GLIS3: variants seen among roughly 807,000 people sequenced by gnomAD.
The protein encoded by GLIS3 is zinc finger protein GLIS3.
In GLIS3, 53 loss-of-function variants were observed where a neutral mutation model predicts 78.6. That is an observed-to-expected ratio of 0.67 (90% CI 0.54 to 0.85). The LOEUF is 0.85. Ranked by LOEUF, GLIS3 falls within the 40% of genes least tolerant of loss-of-function variation. The probability of loss-of-function intolerance (pLI) is 0.00; values close to 1 mark genes in which losing one functional copy is unlikely to be tolerated. For synonymous variants in GLIS3, 684 were observed against 509.9 expected (o/e 1.34, Z -4.60); for missense variants, 1,703 against 1,231.1 (o/e 1.38, Z -5.74).
chr9:4,178,866 T>C (rs915280237), intron 2 of GLIS3, among the ~76,000 whole-genome samples: 54 of 152,272 alleles, frequency 3.5e-4, no homozygotes, highest in African/African-American at 1.3e-3. Flanking sequence ...AGCATAAACA[T>C]TAGTTATTTA....
chr9:4,027,238 G>C (rs889533258), intron 4 of GLIS3, among the ~76,000 whole-genome samples: 9 of 152,178 alleles, frequency 5.9e-5, no homozygotes, highest in African/African-American at 1.9e-4. Context: ...CCATTTCAGC[G>C]TCACTACAAT....
intron 4 of GLIS3, among the ~76,000 whole-genome samples, chr9:4,009,107 T>C (rs563871847): frequency 3.0e-4 from 45 of 152,202 alleles, no homozygotes; most frequent in Non-Finnish European, 5.9e-4. Flanking sequence ...ATTAATGTCA[T>C]AGAATCTAAG....
chr9:4,162,586 G>A (rs566816890), intron 2 of GLIS3, among the ~76,000 whole-genome samples: 11 of 152,242 alleles, frequency 7.2e-5, no homozygotes, highest in East Asian at 3.9e-4. Flanking sequence ...CTGGCCGGGT[G>A]CGGTGGCTCA....
intron 2 of GLIS3, among the ~76,000 whole-genome samples, chr9:4,217,257 G>A (rs547103618): frequency 4.5e-4 from 69 of 152,244 alleles, no homozygotes; most frequent in Admixed American, 7.8e-4. Flanking sequence ...GTATGCATGT[G>A]CACTCATTCA....
At chr9:4,298,471 T>A (rs1320497034) in intron 1 of GLIS3, 3 of 448,790 alleles carry the variant, frequency 6.7e-6, no homozygotes, top group African/African-American at 6.1e-5. Flanking sequence ...AGGTGACTTG[T>A]CAGCTCCAGT....
At chr9:4,134,505 T>C (rs1833246899) in intron 2 of GLIS3, among the ~76,000 whole-genome samples, 1 of 152,194 alleles carries the variant, frequency 6.6e-6, no homozygotes. Context: ...AGCCTTAGTT[T>C]CTTCCATCTC....
At chr9:4,468,819 C>A in the GLIS3 span, among the ~76,000 whole-genome samples, 2 of 152,134 alleles carry the variant, frequency 1.3e-5, no homozygotes, top group South Asian at 2.1e-4. Context: ...GCTAAATGCT[C>A]CAATTAAAAG....
chr9:4,255,514 T>C (rs1310366648), intron 2 of GLIS3, among the ~76,000 whole-genome samples: 4 of 152,174 alleles, frequency 2.6e-5, no homozygotes, highest in African/African-American at 9.7e-5. Context: ...ATCCAGACAA[T>C]GGAATATTAT....
chr9:4,092,520 T>A (rs1052780215), intron 4 of GLIS3, among the ~76,000 whole-genome samples: 1 of 152,212 alleles, frequency 6.6e-6, no homozygotes, highest in Non-Finnish European at 1.5e-5. Flanking sequence ...CCTTATTGCA[T>A]AAGCTTTTAA....
intron 4 of GLIS3, among the ~76,000 whole-genome samples, chr9:3,974,875 G>A (rs1818648976): frequency 6.6e-6 from 1 of 151,894 alleles, no homozygotes; most frequent in Admixed American, 6.6e-5. Context: ...GCTAAGAAAA[G>A]GTGAATATTC....
At chr9:4,335,273 A>G (rs982310204) in intron 2 of GLIS3, among the ~76,000 whole-genome samples, 3 of 152,210 alleles carry the variant, frequency 2.0e-5, no homozygotes, top group East Asian at 1.9e-4. Flanking sequence ...AGCATAAGAA[A>G]TAACTCCAGT....
the GLIS3 span, among the ~76,000 whole-genome samples, chr9:4,363,267 AC>A: frequency 6.6e-6 from 1 of 152,174 alleles, no homozygotes. Context: ...TACTAAAAAT[AC>A]AAAAATTAGC....
At chr9:4,058,777 G>C (rs533437867) in intron 4 of GLIS3, among the ~76,000 whole-genome samples, 1 of 152,018 alleles carries the variant, frequency 6.6e-6, no homozygotes, top group South Asian at 2.1e-4. Context: ...TCAGGAGATC[G>C]AGACCATCCT....
At chr9:4,352,455 G>C (rs1436143958), upstream of GLIS3, among the ~76,000 whole-genome samples, 1 of 152,258 alleles carries the variant, frequency 6.6e-6, no homozygotes, top group Non-Finnish European at 1.5e-5. Context: ...AGAGGACTAA[G>C]GCATGGTGGG....
intron 4 of GLIS3, among the ~76,000 whole-genome samples, chr9:4,059,844 G>C (rs576837258): frequency 2.8e-4 from 43 of 151,118 alleles, no homozygotes; most frequent in African/African-American, 9.7e-4. Flanking sequence ...GAGAGAGAGA[G>C]AGAGAGAGAG....
intron 2 of GLIS3, among the ~76,000 whole-genome samples, chr9:4,129,984 T>A (rs1832855060): frequency 6.6e-6 from 1 of 152,326 alleles, no homozygotes; most frequent in East Asian, 1.9e-4. Context: ...TGTTGGGAAC[T>A]GGAGCAAAGG....
intron 4 of GLIS3, among the ~76,000 whole-genome samples, chr9:3,942,469 G>C (rs567848169): frequency 6.6e-6 from 1 of 152,184 alleles, no homozygotes; most frequent in African/African-American, 2.4e-5. Context: ...TACTGTCAAA[G>C]TGACTTCCAC....
At chr9:3,926,236 T>TG (rs1477196355) in intron 6 of GLIS3, among the ~76,000 whole-genome samples, 2 of 149,030 alleles carry the variant, frequency 1.3e-5, no homozygotes, top group Admixed American at 6.6e-5. Context: ...TTCTTTTGTT[T>TG]TTTTTTTTTT....
chr9:4,098,485 G>A (rs1830129222), intron 4 of GLIS3, among the ~76,000 whole-genome samples: 1 of 152,168 alleles, frequency 6.6e-6, no homozygotes, highest in South Asian at 2.1e-4. Flanking sequence ...CACCCCTGAA[G>A]AAAGCAACCC....
Sources: allele counts gnomAD v4.1 joint callset (sites outside exome capture counted in the v4.1 genomes callset), GRCh38; gene constraint gnomAD v4.1.1; transcripts MANE v1.5; gene names NCBI Gene and HGNC (gene_info 2026-07-23, HGNC 2026-07-21).